HEATR3: variants seen among roughly 807,000 people sequenced by gnomAD.
The protein encoded by HEATR3 is HEAT repeat-containing protein 3.
In HEATR3, 56 loss-of-function variants were observed where a neutral mutation model predicts 72.8. The ratio of observed to expected loss-of-function variants is 0.77; its 90% CI spans 0.62 to 0.96. HEATR3 has a LOEUF of 0.96. HEATR3 is among the 40% of genes least tolerant of loss of function. HEATR3 has a pLI of 0.00. For missense variants in HEATR3, 747 were observed against 831.4 expected (o/e 0.90, Z 1.25); for synonymous variants, 331 against 318.1 (o/e 1.04, Z -0.43).
chr16:50,067,639 G>A (rs2036527865), intron 2 of HEATR3, among the ~76,000 whole-genome samples: 2 of 152,112 alleles, frequency 1.3e-5, no homozygotes. Context: ...GAAGTGACAT[G>A]CTGCAACACA....
intron 3 of HEATR3, 93 bp downstream of exon 3, chr16:50,068,960 C>A: frequency 1.2e-6 from 1 of 811,796 alleles, no homozygotes; most frequent in Non-Finnish European, 2.0e-6. Context: ...TGTCTTCTAT[C>A]TAAACATCTT....
intron 11 of HEATR3, among the ~76,000 whole-genome samples, chr16:50,091,005 CATG>C (rs1347222669): frequency 1.3e-5 from 2 of 151,866 alleles, no homozygotes; most frequent in Non-Finnish European, 2.9e-5. Flanking sequence ...ATTAGCTTGG[CATG>C]GTGGTGTGTG....
rs534238703 is a variant in HEATR3, at chr16:50,066,114, C to T, written c.-18C>T. 3 of 1,557,014 alleles carry T rather than the reference C, an allele frequency of 1.9e-6. No homozygotes were observed. Among genetic ancestry groups the T allele is most frequent in the Non-Finnish European group, 2.6e-6 (3 of 1,155,580 alleles). ...TGCCCTCCTCTCTCGGTGGTCTGTCCGCCCAGCGCACGTCACCATGGGCAA... is the reference window on the plus strand; with the variant it reads ...TGCCCTCCTCTCTCGGTGGTCTGTCTGCCCAGCGCACGTCACCATGGGCAA... On this transcript the variant is annotated 5_prime_UTR_variant, in exon 1 of 15. Coordinates refer to ENST00000299192, the MANE Select transcript of HEATR3 (RefSeq NM_182922.4).
intron 4 of HEATR3, among the ~76,000 whole-genome samples, chr16:50,072,002 A>G (rs1300777689): frequency 6.6e-6 from 1 of 152,212 alleles, no homozygotes; most frequent in African/African-American, 2.4e-5. Context: ...ATGAAATTAT[A>G]ATTGCACTCT....
At chr16:50,091,715 C>CA (rs1026363733) in intron 11 of HEATR3, among the ~76,000 whole-genome samples, 19 of 148,560 alleles carry the variant, frequency 1.3e-4, no homozygotes, top group African/African-American at 3.5e-4. Context: ...ACTAAAAATG[C>CA]AAAAAAAAAT....
intron 12 of HEATR3, among the ~76,000 whole-genome samples, chr16:50,096,345 A>C (rs896097715): frequency 1.4e-5 from 1 of 70,080 alleles, no homozygotes; most frequent in Admixed American, 1.7e-4. Context: ...AAAAAAAAAA[A>C]CAGAAAAAGA....
chr16:50,066,645 C>T (rs1284776546), intron 2 of HEATR3, 106 bp downstream of exon 2: 17 of 1,022,168 alleles, frequency 1.7e-5, no homozygotes, highest in Non-Finnish European at 2.1e-5. Context: ...CCATCAGGCA[C>T]TGGCCCGGTC....
At position 50,078,768 on chromosome 16, in the gene HEATR3, T is replaced by C; in HGVS notation, c.791T>C (p.Ile264Thr). Reference protein sequence around the residue: ...AGTIWNLKDIIPCKSQAEIIN... With the variant: ...AGTIWNLKDITPCKSQAEIIN... ...ACAATTTGGAATCTAAAGGACATTATTCCATGCAAGAGTCAAGCAGAAATC... is the reference window on the plus strand; with the variant it reads ...ACAATTTGGAATCTAAAGGACATTACTCCATGCAAGAGTCAAGCAGAAATC... Residue 264 changes from isoleucine to threonine, a missense_variant, in exon 7 of 15, where the codon ATT becomes ACT. By Grantham distance (89) the Ile-to-Thr change is moderately conservative (BLOSUM62 -1). Transcript: ENST00000299192. 1 of 1,613,882 alleles carries C rather than the reference T, an allele frequency of 6.2e-7. No homozygotes were observed. Among genetic ancestry groups the C allele is most frequent in the Non-Finnish European group, 8.5e-7 (1 of 1,179,954 alleles).
intron 5 of HEATR3, 86 bp from the exon 6 acceptor site, chr16:50,075,485 A>G (rs1371909372): frequency 8.0e-7 from 1 of 1,248,616 alleles, no homozygotes; most frequent in African/African-American, 1.5e-5. Flanking sequence ...TGGTAATGAT[A>G]CAATGTTTTA....
At chr16:50,083,690 G>A (rs914692502) in intron 7 of HEATR3, among the ~76,000 whole-genome samples, 2 of 152,228 alleles carry the variant, frequency 1.3e-5, no homozygotes, top group South Asian at 2.1e-4. Flanking sequence ...ACTAAGTGAC[G>A]CTTGGGGAAT....
intron 14 of HEATR3, among the ~76,000 whole-genome samples, chr16:50,104,092 G>C (rs1202262396): frequency 6.6e-6 from 1 of 152,080 alleles, no homozygotes; most frequent in Non-Finnish European, 1.5e-5. Flanking sequence ...GCTCACACCA[G>C]TAATCCCAGC....
At chr16:50,094,868 A>G (rs1187242125) in intron 12 of HEATR3, 75 bp downstream of exon 12, 2 of 732,128 alleles carry the variant, frequency 2.7e-6, no homozygotes, top group Admixed American at 5.2e-5. Flanking sequence ...TTACTTCACT[A>G]TTTTAAAAAA....
chr16:50,099,225 G>A (rs1415908259), intron 12 of HEATR3, among the ~76,000 whole-genome samples: 1 of 152,140 alleles, frequency 6.6e-6, no homozygotes, highest in African/African-American at 2.4e-5. Flanking sequence ...GGGCCTATAG[G>A]AATATCAAGT....
In HEATR3 at chr16:50,106,367, TAAAC is replaced by T. The variant is rs1427597020; in HGVS notation, c.*1309_*1312del. On this transcript the variant is annotated 3_prime_UTR_variant, in exon 15 of 15. Coordinates refer to ENST00000299192, the MANE Select transcript of HEATR3 (RefSeq NM_182922.4). ...AGAATTGGGAGAAGGTATTTTTAAA[TAAAC>T]AACTTTTTAATGGAAAGTTTTGTGT... is the stretch of plus-strand genomic sequence containing the variant. The T allele has an allele frequency of 2.0e-5, 3 of 152,192 alleles. 1 individual carries two copies. Among genetic ancestry groups the T allele is most frequent in the Admixed American group, 1.3e-4 (2 of 15,262 alleles). 9.4% of individuals were successfully genotyped at this position (152,192 alleles called of 1,614,324 possible).
chr16:50,086,174 C>T, intron 10 of HEATR3, 41 bp from the exon 11 acceptor site: 2 of 1,544,498 alleles, frequency 1.3e-6, no homozygotes, highest in Non-Finnish European at 1.8e-6. Flanking sequence ...TGATGGGCAA[C>T]TTCTGGAGAA....
At chr16:50,078,703 A>C (rs1198999789) in intron 6 of HEATR3, 38 bp from the exon 7 acceptor site, 1 of 1,565,090 alleles carries the variant, frequency 6.4e-7, no homozygotes, top group Admixed American at 2.0e-5. Context: ...AAAATATTTC[A>C]CAGGCATTTC....
chr16:50,070,505 G>T (rs2036588383), intron 4 of HEATR3, among the ~76,000 whole-genome samples: 1 of 152,108 alleles, frequency 6.6e-6, no homozygotes, highest in Non-Finnish European at 1.5e-5. Flanking sequence ...TTTGAGACCA[G>T]CCTGGCCAAC....
chr16:50,082,823 G>A (rs1269245168), intron 7 of HEATR3, among the ~76,000 whole-genome samples: 1 of 148,336 alleles, frequency 6.7e-6, no homozygotes, highest in Non-Finnish European at 1.5e-5. Flanking sequence ...TTTTTTTTGA[G>A]ATGGAGTCTC....
chr16:50,082,147 GC>G (rs1345054062), intron 7 of HEATR3, among the ~76,000 whole-genome samples: 1 of 152,102 alleles, frequency 6.6e-6, no homozygotes, highest in African/African-American at 2.4e-5. Flanking sequence ...TTCAAGACCT[GC>G]CTGGCCAATA....
Sources: allele counts gnomAD v4.1 joint callset (sites outside exome capture counted in the v4.1 genomes callset), GRCh38; gene constraint gnomAD v4.1.1; transcripts MANE v1.5; gene names NCBI Gene and HGNC (gene_info 2026-07-23, HGNC 2026-07-21).